The following ASIC2 variants were observed in gnomAD, a reference collection of about 807,000 sequenced individuals.
ASIC2 encodes the protein acid-sensing ion channel 2.
A neutral mutation model predicts 57.3 loss-of-function variants in ASIC2; 25 were observed. The ratio of observed to expected loss-of-function variants is 0.44; its 90% CI spans 0.32 to 0.61. The LOEUF is 0.61. ASIC2 is among the 20% of genes least tolerant of loss of function. The probability of loss-of-function intolerance (pLI) is 0.06; values close to 1 mark genes in which losing one functional copy is unlikely to be tolerated. For missense variants in ASIC2, 641 were observed against 738.1 expected, an observed-to-expected ratio of 0.87 and a Z score of 1.52; for synonymous variants, 319 against 307.5, an observed-to-expected ratio of 1.04 and a Z score of -0.39.
At chr17:33,869,974 G>A (rs1421570381) in intron 1 of ASIC2, among the ~76,000 whole-genome samples, 1 of 152,190 alleles carries the variant, frequency 6.6e-6, no homozygotes, top group Non-Finnish European at 1.5e-5. Flanking sequence ...CCCAATGGCT[G>A]TAGTTTGCCA....
intron 1 of ASIC2, among the ~76,000 whole-genome samples, chr17:33,736,069 T>C (rs895354331): frequency 1.3e-5 from 2 of 152,100 alleles, no homozygotes; most frequent in African/African-American, 4.8e-5. Flanking sequence ...CTTGAATCTT[T>C]AGTGCTTGAT....
chr17:33,028,765 C>T (rs1210304215), intron 3 of ASIC2, among the ~76,000 whole-genome samples: 2 of 152,208 alleles, frequency 1.3e-5, no homozygotes, highest in Non-Finnish European at 2.9e-5. Context: ...CCCACTTCCA[C>T]ATTTTGCCAT....
intron 1 of ASIC2, among the ~76,000 whole-genome samples, chr17:33,393,801 A>C (rs916832359): frequency 6.6e-6 from 1 of 152,200 alleles, no homozygotes; most frequent in Admixed American, 6.5e-5. Flanking sequence ...CTCATCATCC[A>C]TGATGTCTAA....
intron 1 of ASIC2, among the ~76,000 whole-genome samples, chr17:33,194,453 G>A (rs1906547630): frequency 6.6e-6 from 1 of 152,150 alleles, no homozygotes; most frequent in Non-Finnish European, 1.5e-5. Flanking sequence ...TGCTCACTAA[G>A]CCGATATGAT....
At chr17:33,758,530 T>C (rs190681485) in intron 1 of ASIC2, among the ~76,000 whole-genome samples, 1 of 152,244 alleles carries the variant, frequency 6.6e-6, no homozygotes, top group East Asian at 1.9e-4. Flanking sequence ...CCCAGTGTGG[T>C]AGAATACATT....
chr17:33,730,059 C>T (rs1008766811), intron 1 of ASIC2, among the ~76,000 whole-genome samples: 2 of 152,084 alleles, frequency 1.3e-5, no homozygotes, highest in South Asian at 4.1e-4. Context: ...TCGGTGCTTT[C>T]GGGTGATCTA....
At chr17:33,472,287 T>G (rs1913080054) in intron 1 of ASIC2, among the ~76,000 whole-genome samples, 1 of 152,154 alleles carries the variant, frequency 6.6e-6, no homozygotes, top group Non-Finnish European at 1.5e-5. Flanking sequence ...TCCAAAGTGC[T>G]GGGATTACAG....
chr17:33,410,646 C>T (rs987449455), intron 1 of ASIC2, among the ~76,000 whole-genome samples: 2 of 152,162 alleles, frequency 1.3e-5, no homozygotes, highest in Non-Finnish European at 2.9e-5. Context: ...GCCCATTCTT[C>T]TCCCCATCTG....
intron 3 of ASIC2, among the ~76,000 whole-genome samples, chr17:33,039,472 C>T (rs754072396): frequency 2.6e-5 from 4 of 152,160 alleles, no homozygotes; most frequent in Non-Finnish European, 5.9e-5. Context: ...CCTGACACCA[C>T]CTTAGCTGGG....
At chr17:33,740,916 T>A (rs936691310) in intron 1 of ASIC2, among the ~76,000 whole-genome samples, 1 of 152,166 alleles carries the variant, frequency 6.6e-6, no homozygotes, top group African/African-American at 2.4e-5. Context: ...AACAGGGTTA[T>A]AGTAAGGGGC....
intron 1 of ASIC2, among the ~76,000 whole-genome samples, chr17:33,273,420 C>T (rs1439925025): frequency 6.6e-6 from 1 of 152,168 alleles, no homozygotes; most frequent in East Asian, 1.9e-4. Context: ...TGCCCAGGAA[C>T]CCTGGGGGCT....
At chr17:33,766,450 G>T (rs1353380760) in intron 1 of ASIC2, among the ~76,000 whole-genome samples, 1 of 152,222 alleles carries the variant, frequency 6.6e-6, no homozygotes, top group African/African-American at 2.4e-5. Flanking sequence ...GGTAGAGGCA[G>T]TGGCACCAGA....
rs11655609 is a variant in ASIC2, at chr17:33,957,675, G to A, written c.555+198303C>T. ...CCAGTTCTCTCCCATGACACGTGGG[G>A]ATTATGGGAGCTACAATTCAAGATG... On this transcript the variant is annotated intron_variant, in intron 1 of 9. Coordinates refer to the ASIC2 transcript ENST00000359872. Among the ~76,000 whole-genome samples the A allele has an allele frequency of 7.4e-3, 1,124 of 152,252 alleles. 11 individuals are homozygous for A. The highest frequency in any genetic ancestry group is 0.014 in the Middle Eastern group (4 of 294).
At chr17:34,057,695 G>A (rs1403570364) in intron 1 of ASIC2, among the ~76,000 whole-genome samples, 1 of 152,160 alleles carries the variant, frequency 6.6e-6, no homozygotes, top group African/African-American at 2.4e-5. Flanking sequence ...CAAGGATTAG[G>A]ACTGCGGGTT....
intron 3 of ASIC2, among the ~76,000 whole-genome samples, chr17:33,037,611 C>G (rs1347504022): frequency 6.6e-6 from 1 of 151,956 alleles, no homozygotes; most frequent in Non-Finnish European, 1.5e-5. Flanking sequence ...TCAGGAGGAC[C>G]CTGAAGCACC....
rs73273966 is a variant in ASIC2, at chr17:33,014,403, T to C, written c.1591-337A>G. On this transcript the variant is annotated intron_variant, in intron 9 of 9. Coordinates refer to ENST00000225823, the MANE Select transcript of ASIC2 (RefSeq NM_183377.2). ...GATGGTCTGAGTCCTGACCTCTCTC[T>C]TGGGGGCCTCCCTCGGGGCTATGGT... Among the ~76,000 whole-genome samples, 1,268 of 152,100 alleles carry C rather than the reference T, an allele frequency of 8.3e-3. 18 individuals carry two copies. The highest frequency in any genetic ancestry group is 0.029 in the African/African-American group (1,223 of 41,480).
At chr17:33,221,259 G>C (rs1157413696) in intron 1 of ASIC2, among the ~76,000 whole-genome samples, 1 of 152,106 alleles carries the variant, frequency 6.6e-6, no homozygotes, top group African/African-American at 2.4e-5. Flanking sequence ...GAACAACTCT[G>C]CCATTCTGGG....
chr17:33,579,428 T>C (rs148203463), intron 1 of ASIC2, among the ~76,000 whole-genome samples: 44 of 152,072 alleles, frequency 2.9e-4, no homozygotes, highest in African/African-American at 7.2e-4. Flanking sequence ...CAAGGAGATA[T>C]AGACTAGGGC....
At chr17:33,313,885 C>T (rs1672355399) in intron 1 of ASIC2, among the ~76,000 whole-genome samples, 1 of 151,958 alleles carries the variant, frequency 6.6e-6, no homozygotes, top group African/African-American at 2.4e-5. Context: ...CTTGGCCTGA[C>T]AGAGATGGGA....
Sources: allele counts gnomAD v4.1 joint callset (sites outside exome capture counted in the v4.1 genomes callset), GRCh38; gene constraint gnomAD v4.1.1; transcripts MANE v1.5; gene names NCBI Gene and HGNC (gene_info 2026-07-23, HGNC 2026-07-21).